Variants in TMEM91 observed in about 807,000 individuals in gnomAD.
TMEM91 encodes dispanin subfamily C member 3.
TMEM91 carries 6 observed loss-of-function variants against 13.3 expected under a neutral mutation model. The ratio of observed to expected loss-of-function variants is 0.45; its 90% confidence interval spans 0.25 to 0.89. TMEM91 has a LOEUF of 0.89. Ranked by LOEUF, TMEM91 falls within the 40% of genes least tolerant of loss-of-function variation. The pLI, the probability that TMEM91 is intolerant of heterozygous loss-of-function variation, is 0.19. For missense variants in TMEM91, 193 were observed against 228.7 expected, an observed-to-expected ratio of 0.84 and a Z score of 1.01; for synonymous variants, 87 against 101.7, an observed-to-expected ratio of 0.86 and a Z score of 0.87.
intron 2 of TMEM91, among the ~76,000 whole-genome samples, chr19:41,379,195 T>C (rs1472085384): frequency 6.8e-6 from 1 of 147,596 alleles, no homozygotes; most frequent in Admixed American, 6.8e-5. Context: ...AATTTCTCAT[T>C]CCAGGCCAGG....
intron 1 of TMEM91, 127 bp from the exon 2 acceptor site, chr19:41,378,154 A>G (rs969571527): frequency 1.5e-6 from 1 of 660,724 alleles, no homozygotes; most frequent in Admixed American, 3.0e-5. Context: ...CAGCTTCTGT[A>G]TCTGTAAAAT....
upstream of TMEM91, among the ~76,000 whole-genome samples, chr19:41,375,296 T>TC: frequency 1.6e-5 from 2 of 124,826 alleles, no homozygotes; most frequent in Non-Finnish European, 3.5e-5. Context: ...TTTTTTTTTT[T>TC]TTGAGACGGA....
chr19:41,365,166 G>A (rs150381102), intron 1 of TMEM91, among the ~76,000 whole-genome samples: 2 of 151,812 alleles, frequency 1.3e-5, no homozygotes, highest in African/African-American at 4.8e-5. Flanking sequence ...GATTACAGGC[G>A]TGAGCCACCC....
chr19:41,365,392 C>G (rs190888988), intron 1 of TMEM91, among the ~76,000 whole-genome samples: 37 of 152,044 alleles, frequency 2.4e-4, no homozygotes, highest in African/African-American at 8.4e-4. Context: ...AAATGTTGTA[C>G]CCTCGTTATA....
At chr19:41,375,062 A>G (rs921326927), upstream of TMEM91, among the ~76,000 whole-genome samples, 13 of 151,938 alleles carry the variant, frequency 8.6e-5, no homozygotes, top group African/African-American at 2.9e-4. Context: ...TCACTGTACC[A>G]CGTGACAATC....
At chr19:41,383,384 T>C (rs993301616) in intron 3 of TMEM91, 95 of 787,758 alleles carry the variant, frequency 1.2e-4, no homozygotes, top group Non-Finnish European at 1.5e-4. Flanking sequence ...GTCACTTAAC[T>C]TCCCTGTGCC....
At chr19:41,365,439 CT>C (rs1188625625) in intron 1 of TMEM91, among the ~76,000 whole-genome samples, 3 of 152,164 alleles carry the variant, frequency 2.0e-5, no homozygotes, top group Non-Finnish European at 4.4e-5. Context: ...GCGTCTCCCC[CT>C]GTCATCCAGG....
rs1168106764 is a variant in TMEM91, at chr19:41,365,733, CAG to C, written c.-30+1641_-30+1642del. ...TTTTTTTTTTTTTTTTTTTTTTTGA[CAG>C]AGTCTCCCTCTGTCGCCCAGGCTGG... On this transcript the variant is annotated intron_variant, in intron 1 of 3. Transcript: ENST00000413014. Among the ~76,000 whole-genome samples the C allele has an allele frequency of 4.0e-5, 3 of 75,608 alleles. No homozygotes were observed. The East Asian group carries it at 1.3e-3, about 33-fold the overall frequency. 49.6% of individuals were successfully genotyped at this position (75,608 alleles called of 152,430 possible). A position where few individuals can be genotyped will look rare whatever the true frequency, so the allele number is the denominator to read the frequency against.
intron 1 of TMEM91, among the ~76,000 whole-genome samples, chr19:41,371,358 C>T (rs539055612): frequency 1.7e-4 from 25 of 146,422 alleles, no homozygotes; most frequent in African/African-American, 6.0e-4. Context: ...TCCTTCCTTC[C>T]TTCCTTCCTT....
At chr19:41,371,564 C>T (rs370729645), upstream of TMEM91, among the ~76,000 whole-genome samples, 4 of 150,606 alleles carry the variant, frequency 2.7e-5, no homozygotes, top group Admixed American at 6.6e-5. Context: ...GGACTACAGG[C>T]GCACACCACC....
At chr19:41,380,174 G>A (rs752679033) in intron 2 of TMEM91, among the ~76,000 whole-genome samples, 6 of 152,026 alleles carry the variant, frequency 3.9e-5, no homozygotes, top group Non-Finnish European at 7.4e-5. Flanking sequence ...GATTACAGGC[G>A]TGAGCCACCG....
At position 41,365,096 on chromosome 19, in the gene TMEM91, G is replaced by GTC. The variant is rs1339473419; in HGVS notation, c.-30+1003_-30+1004dup. Among the ~76,000 whole-genome samples the GTC allele has an allele frequency of 6.0e-5, 9 of 151,028 alleles. No individual in the cohort carries two copies. In the East Asian group the frequency reaches 1.8e-3, roughly 29 times the overall value. On this transcript the variant is annotated intron_variant, in intron 1 of 3. Transcript: ENST00000413014. ...TCCTGCTATGTTGCTATGTTGCCCA[G>GTC]TCTTGTCTTGACCTCCTGGGCTCTA...
At chr19:41,369,766 C>G (rs928046880) in intron 1 of TMEM91, among the ~76,000 whole-genome samples, 3 of 150,134 alleles carry the variant, frequency 2.0e-5, no homozygotes, top group African/African-American at 7.4e-5. Context: ...CGAGATTGCA[C>G]CATTGCACTC....
At chr19:41,382,679 G>T in intron 2 of TMEM91, 93 bp from the exon 3 acceptor site, 1 of 1,482,196 alleles carries the variant, frequency 6.7e-7, no homozygotes, top group East Asian at 2.3e-5. Context: ...AAGCCCTAGG[G>T]GCAGGTATTG....
intron 2 of TMEM91, among the ~76,000 whole-genome samples, chr19:41,382,494 G>A (rs1304896349): frequency 3.3e-5 from 5 of 152,180 alleles, no homozygotes; most frequent in African/African-American, 1.2e-4. Flanking sequence ...GTGATGGCGT[G>A]TGCCTGTAAT....
rs1011548891 is a variant in TMEM91, at chr19:41,383,954, A to T, written c.*81A>T. 1 of 1,550,940 alleles carries T rather than the reference A, an allele frequency of 6.4e-7. No homozygotes were observed. The highest frequency in any genetic ancestry group is 8.7e-7 in the Non-Finnish European group (1 of 1,155,880). ...GGCAGAGAGTGGAGAATCTTGGTGG[A>T]TGAGGCTGCGGCGGCGGCAGGAGCA... On this transcript the variant is annotated 3_prime_UTR_variant, in exon 4 of 4. Coordinates refer to ENST00000392002, the MANE Select transcript of TMEM91 (RefSeq NM_001098821.2).
At chr19:41,365,707 G>GTT (rs3061204) in intron 1 of TMEM91, among the ~76,000 whole-genome samples, 47 of 69,668 alleles carry the variant, frequency 6.7e-4, no homozygotes, top group African/African-American at 1.3e-3. Flanking sequence ...GACCGGCCGG[G>GTT]TTTTTTTTTT....
chr19:41,364,907 C>T (rs1033550042), intron 1 of TMEM91, among the ~76,000 whole-genome samples: 1 of 152,018 alleles, frequency 6.6e-6, no homozygotes, highest in Non-Finnish European at 1.5e-5. Context: ...AAGGGTCTCA[C>T]TCTGTCACCC....
At chr19:41,364,901 G>A (rs1437991670) in intron 1 of TMEM91, among the ~76,000 whole-genome samples, 3 of 151,756 alleles carry the variant, frequency 2.0e-5, no homozygotes, top group Admixed American at 1.3e-4. Flanking sequence ...CCTTAAAAGG[G>A]TCTCACTCTG....
Sources: gnomAD v4.1 joint callset for allele counts (sites outside exome capture counted in the v4.1 genomes callset) on GRCh38, gnomAD v4.1.1 for gene constraint, MANE v1.5 for transcripts, NCBI Gene and HGNC (gene_info 2026-07-23, HGNC 2026-07-21) for gene names.